Variants in ST7 observed in about 807,000 individuals in gnomAD.
The protein encoded by ST7 is suppression of tumorigenicity 7.
In ST7, 28 loss-of-function variants were observed where a neutral mutation model predicts 78.7. The ratio of observed to expected loss-of-function variants is 0.36; its 90% CI spans 0.26 to 0.49. ST7 has a LOEUF of 0.49. Among genes scored for constraint, ST7 ranks in the 20% least tolerant of loss-of-function variants. The pLI, the probability that ST7 is intolerant of heterozygous loss-of-function variation, is 0.99. For missense variants in ST7, 418 were observed against 696.0 expected, an observed-to-expected ratio of 0.60 and a Z score of 4.49; for synonymous variants, 247 against 249.6, an observed-to-expected ratio of 0.99 and a Z score of 0.10.
chr7:116,965,326 T>A (rs2116204039), intron 1 of ST7, among the ~76,000 whole-genome samples: 1 of 124,026 alleles, frequency 8.1e-6, no homozygotes, highest in Admixed American at 1.1e-4. Flanking sequence ...GGCGACTGAG[T>A]GAGACTCCGT....
chr7:117,004,378 T>A (rs1004269755), intron 1 of ST7, among the ~76,000 whole-genome samples: 2 of 152,210 alleles, frequency 1.3e-5, no homozygotes, highest in African/African-American at 4.8e-5. Context: ...ATGTTCAACT[T>A]GTTTAATCTC....
chr7:117,002,639 C>CTGTGTGTGTGTGTGTGTGTGTGTG (rs140099821), intron 1 of ST7, among the ~76,000 whole-genome samples: 1 of 145,828 alleles, frequency 6.9e-6, no homozygotes, highest in African/African-American at 2.5e-5. Flanking sequence ...GTAGTTGAGG[C>CTGTGTGTGTGTGTGTGTGTGTGTG]TGTGTGTGTG....
intron 1 of ST7, among the ~76,000 whole-genome samples, chr7:117,032,455 G>T (rs961318781): frequency 1.3e-5 from 2 of 152,016 alleles, no homozygotes; most frequent in Non-Finnish European, 2.9e-5. Context: ...CTGTAGTCCT[G>T]TTGAGTTATC....
chr7:117,114,538 A>G (rs1358658788), intron 2 of ST7, among the ~76,000 whole-genome samples: 4 of 152,110 alleles, frequency 2.6e-5, no homozygotes, highest in Non-Finnish European at 5.9e-5. Context: ...CCATCACTGT[A>G]TCTATCCTCC....
intron 1 of ST7, chr7:116,966,037 A>T (rs1371996098): frequency 2.2e-6 from 1 of 450,186 alleles, no homozygotes; most frequent in African/African-American, 2.1e-5. Context: ...CCATTGGTTC[A>T]TACCCAACTA....
At chr7:117,100,559 G>A (rs1489729658) in intron 2 of ST7, among the ~76,000 whole-genome samples, 2 of 151,846 alleles carry the variant, frequency 1.3e-5, no homozygotes, top group Non-Finnish European at 2.9e-5. Context: ...TTTTTTAAAT[G>A]TATTGACATG....
intron 1 of ST7, among the ~76,000 whole-genome samples, chr7:116,981,215 C>T (rs1282362724): frequency 6.6e-6 from 1 of 151,820 alleles, no homozygotes; most frequent in Non-Finnish European, 1.5e-5. Flanking sequence ...CTCAAGTGAT[C>T]CTCCCCCTCA....
chr7:117,187,943 G>A (rs1809418436), intron 10 of ST7, among the ~76,000 whole-genome samples: 2 of 152,130 alleles, frequency 1.3e-5, no homozygotes, highest in African/African-American at 4.8e-5. Flanking sequence ...TAATCCATGA[G>A]TGTCTGGCAT....
intron 1 of ST7, among the ~76,000 whole-genome samples, chr7:117,078,311 A>G (rs1029220265): frequency 6.6e-6 from 1 of 152,240 alleles, no homozygotes; most frequent in Admixed American, 6.5e-5. Flanking sequence ...ACAATTTAAC[A>G]GTAGAATAGA....
chr7:116,976,590 G>A (rs1238352765), intron 1 of ST7, among the ~76,000 whole-genome samples: 1 of 152,232 alleles, frequency 6.6e-6, no homozygotes, highest in African/African-American at 2.4e-5. Context: ...CTGACTTGCT[G>A]TCATTTTTGC....
intron 1 of ST7, among the ~76,000 whole-genome samples, chr7:117,049,886 A>T (rs1244625596): frequency 6.6e-6 from 1 of 152,062 alleles, no homozygotes; most frequent in East Asian, 1.9e-4. Flanking sequence ...AAAGATTTAC[A>T]GTATTGTACT....
At position 117,192,691 on chromosome 7, in the gene ST7, A is replaced by T. The variant is rs879816403; in HGVS notation, c.1254+1755A>T. ...TGCAATCCTGGGGCACAAGACAGAA[A>T]ATCAGTACAGTACTTGTTGGTTAGA... On this transcript the variant is annotated intron_variant, in intron 12 of 15. Transcript: ENST00000323984. Among the ~76,000 whole-genome samples, 82 of 152,250 alleles carry T rather than the reference A, an allele frequency of 5.4e-4. 1 individual carries two copies. Among genetic ancestry groups the T allele is most frequent in the Admixed American group, 2.9e-3 (44 of 15,290 alleles).
intron 1 of ST7, chr7:117,020,600 A>G: frequency 1.3e-6 from 2 of 1,549,782 alleles, no homozygotes; most frequent in Non-Finnish European, 1.7e-6. Context: ...CAGCCTCTGG[A>G]GCCAGCCATG....
At chr7:116,954,712 AT>A (rs1792358222) in intron 1 of ST7, 1 of 153,938 alleles carries the variant, frequency 6.5e-6, no homozygotes, top group African/African-American at 2.4e-5. Context: ...TTAAATTTTA[AT>A]TTCACAGTAC....
intron 9 of ST7, among the ~76,000 whole-genome samples, chr7:117,152,208 T>TAAA: frequency 2.1e-5 from 2 of 96,662 alleles, no homozygotes; most frequent in African/African-American, 4.2e-5. Flanking sequence ...TATATATATA[T>TAAA]ATATATATAT....
At chr7:116,955,554 C>CT (rs1174191741) in intron 1 of ST7, among the ~76,000 whole-genome samples, 2 of 152,244 alleles carry the variant, frequency 1.3e-5, no homozygotes, top group Non-Finnish European at 2.9e-5. Flanking sequence ...CCTTTCAACA[C>CT]TTTTGCACTT....
chr7:117,139,903 G>T (rs1012501781), intron 9 of ST7, among the ~76,000 whole-genome samples: 1 of 152,118 alleles, frequency 6.6e-6, no homozygotes, highest in Non-Finnish European at 1.5e-5. Flanking sequence ...AGTCACTTTG[G>T]CTCTGAAGGA....
At position 117,096,399 on chromosome 7, in the gene ST7, C is replaced by T. The variant is rs1034749993; in HGVS notation, c.152-3363C>T. Among the ~76,000 whole-genome samples the T allele has an allele frequency of 8.6e-5, 13 of 151,988 alleles. 1 individual carries two copies. The highest frequency in any genetic ancestry group is 8.8e-5 in the Non-Finnish European group (6 of 68,004). On this transcript the variant is annotated intron_variant, in intron 1 of 15. Transcript: ENST00000323984. ...CACAGGGGACTTATCTAGAAAAGGC[C>T]GAGATAAAAATAAGTACAATGTTAA...
intron 1 of ST7, among the ~76,000 whole-genome samples, chr7:116,994,052 C>T (rs1294067816): frequency 1.3e-5 from 2 of 152,250 alleles, no homozygotes; most frequent in African/African-American, 2.4e-5. Flanking sequence ...TATACAGTTC[C>T]GTGGCATTAA....
Sources: gnomAD v4.1 joint callset for allele counts (sites outside exome capture counted in the v4.1 genomes callset) on GRCh38, gnomAD v4.1.1 for gene constraint, MANE v1.5 for transcripts, NCBI Gene and HGNC (gene_info 2026-07-23, HGNC 2026-07-21) for gene names.